SNX25: variants seen among roughly 807,000 people sequenced by gnomAD.
SNX25 encodes the protein sorting nexin 25, also known as sorting nexin-25.
A neutral mutation model predicts 113.7 loss-of-function variants in SNX25; 62 were observed. The ratio of observed to expected loss-of-function variants is 0.55; its 90% CI spans 0.44 to 0.67. The LOEUF is 0.67. Ranked by LOEUF, SNX25 falls within the 30% of genes least tolerant of loss-of-function variation. SNX25 has a pLI of 0.00. For synonymous variants in SNX25, 421 were observed against 436.2 expected (o/e 0.97, Z 0.43); for missense variants, 1,014 against 1,161.0 (o/e 0.87, Z 1.84).
At chr4:185,298,583 C>T (rs1366087726) in intron 6 of SNX25, among the ~76,000 whole-genome samples, 1 of 152,106 alleles carries the variant, frequency 6.6e-6, no homozygotes, top group Non-Finnish European at 1.5e-5. Flanking sequence ...CAAGGTCTTG[C>T]TTCCTCTGGT....
chr4:185,304,080 G>T (rs1175316927), intron 6 of SNX25, among the ~76,000 whole-genome samples: 1 of 152,148 alleles, frequency 6.6e-6, no homozygotes, highest in Non-Finnish European at 1.5e-5. Context: ...ATCTTGACTA[G>T]TCCCTAAGTA....
intron 4 of SNX25, among the ~76,000 whole-genome samples, chr4:185,265,590 AAC>A (rs1276176918): frequency 1.3e-5 from 2 of 152,216 alleles, no homozygotes; most frequent in Admixed American, 6.5e-5. Flanking sequence ...AGACTTCATA[AAC>A]AGTGTACGCT....
In SNX25 at chr4:185,347,376, T is replaced by C. The variant is rs368497217; in HGVS notation, c.2301+726T>C. Among the ~76,000 whole-genome samples the C allele has an allele frequency of 7.2e-5, 11 of 152,320 alleles. 1 individual carries two copies. The highest frequency in any genetic ancestry group is 5.8e-4 in the East Asian group (3 of 5,184). ...TGCTCCACATCCTCACCAACACTTA[T>C]CTTTTGCGTTTTTATTCTTAGCCAT... On this transcript the variant is annotated intron_variant, in intron 13 of 18. Transcript: ENST00000652585.
chr4:185,260,559 G>A (rs1473892689), intron 3 of SNX25, among the ~76,000 whole-genome samples: 2 of 152,124 alleles, frequency 1.3e-5, no homozygotes, highest in Non-Finnish European at 2.9e-5. Context: ...ACTACTCATC[G>A]TATCTATTGG....
intron 2 of SNX25, among the ~76,000 whole-genome samples, chr4:185,256,027 C>T (rs534945781): frequency 6.6e-6 from 1 of 152,146 alleles, no homozygotes; most frequent in Non-Finnish European, 1.5e-5. Flanking sequence ...AAATTAATAT[C>T]TGAAAATGAG....
At chr4:185,346,478 C>CT in intron 12 of SNX25, 59 bp from the exon 13 acceptor site, 2 of 1,153,150 alleles carry the variant, frequency 1.7e-6, no homozygotes, top group South Asian at 1.4e-5. Context: ...TATTCTAAAT[C>CT]TTTTTTAAGA....
At position 185,346,592 on chromosome 4, in the gene SNX25, A is replaced by C. The variant is rs556276774; in HGVS notation, c.2243A>C (p.Lys748Thr). 3.8e-6 allele frequency: 6 copies of C among 1,597,582 alleles called. No homozygotes were observed. Among genetic ancestry groups the C allele is most frequent in the Middle Eastern group, 1.7e-4 (1 of 6,032 alleles). The change falls in exon 13 of 19, where the codon AAA becomes ACA. Residue 748 changes from lysine (K) to threonine (T), a missense_variant. Lys to Thr is a moderately conservative substitution (Grantham distance 78). Coordinates refer to ENST00000652585, the MANE Select transcript of SNX25 (RefSeq NM_001378034.2). ...CCTTCTCTTAGCAAGCTGCCTTTCA[A>C]ATCTATAGATCAAAAGTTTATGGAA... The part of the protein sequence containing the change: ...QLPSLSKLPF[K>T]SIDQKFMEKS...
rs770027397 is a variant in SNX25, at chr4:185,357,705, C to T, written c.2619C>T (p.Leu873=). ...FKWVRRTLIA[L]VQVTFGRTIN... Reference sequence around the variant, plus strand: ...GGGTGAGAAGAACATTAATTGCCCTCGTTCAGGTCACTTTTGGAAGAACCA... The same window carrying T: ...GGGTGAGAAGAACATTAATTGCCCTTGTTCAGGTCACTTTTGGAAGAACCA... Residue 873 remains leucine (L), a synonymous_variant, in exon 16 of 19, where the codon CTC becomes CTT. Transcript: ENST00000652585. 6.1e-5 allele frequency: 99 copies of T among 1,613,936 alleles called. No homozygotes were observed. The highest frequency in any genetic ancestry group is 7.7e-5 in the Non-Finnish European group (91 of 1,179,992).
chr4:185,350,233 A>G (rs2095308554), intron 13 of SNX25, among the ~76,000 whole-genome samples: 6 of 152,202 alleles, frequency 3.9e-5, no homozygotes, highest in Non-Finnish European at 7.3e-5. Context: ...GTCATTAGCC[A>G]TCTAAACAAA....
Position 185,363,547 on chromosome 4 carries a change from C to T in SNX25, c.*82C>T, listed in dbSNP as rs2126764586. 4.6e-6 allele frequency: 6 copies of T among 1,296,886 alleles called. No homozygotes were observed. In the South Asian group the frequency reaches 6.0e-5, roughly 13 times the overall value. 80.3% of individuals were successfully genotyped at this position (1,296,886 alleles called of 1,614,324 possible). ...TTCCTCTTTTCCACAGAGGGCTTAA[C>T]TGAGAACCGTATTGATTTTTATTTT... On this transcript the variant is annotated 3_prime_UTR_variant, in exon 19 of 19. Coordinates refer to ENST00000652585, the MANE Select transcript of SNX25 (RefSeq NM_001378034.2). This position sits in a 1 kb window ranked among gnomAD's most constrained non-coding sequence, Gnocchi z 4.2.
intron 18 of SNX25, 95 bp downstream of exon 18, chr4:185,362,806 C>G (rs558914814): frequency 6.5e-6 from 5 of 763,844 alleles, no homozygotes; most frequent in Middle Eastern, 2.5e-4. Context: ...CTGCAGCACT[C>G]TCATTCTCAC....
chr4:185,349,793 A>G (rs1237371059), intron 13 of SNX25, among the ~76,000 whole-genome samples: 2 of 152,150 alleles, frequency 1.3e-5, no homozygotes, highest in African/African-American at 4.8e-5. Flanking sequence ...ATATAATTTA[A>G]GGCCAAAGAT....
At chr4:185,213,980 C>G (rs1028627973) in intron 1 of SNX25, among the ~76,000 whole-genome samples, 1 of 150,690 alleles carries the variant, frequency 6.6e-6, no homozygotes, top group African/African-American at 2.4e-5. Flanking sequence ...GTTGCTCAGA[C>G]TGCAGTGCAG....
chr4:185,268,010 G>A, intron 5 of SNX25, among the ~76,000 whole-genome samples: 1 of 152,188 alleles, frequency 6.6e-6, no homozygotes, highest in East Asian at 1.9e-4. Flanking sequence ...AAGAGAATGA[G>A]GAGGGGTTTG....
intron 12 of SNX25, among the ~76,000 whole-genome samples, chr4:185,344,181 A>G (rs1323086306): frequency 6.6e-6 from 1 of 152,086 alleles, no homozygotes; most frequent in East Asian, 1.9e-4. Context: ...GGATCATATC[A>G]CTCCACTCCA....
chr4:185,282,525 A>G (rs1237730147), intron 5 of SNX25, among the ~76,000 whole-genome samples: 1 of 152,140 alleles, frequency 6.6e-6, no homozygotes, highest in African/African-American at 2.4e-5. Context: ...CATTTCAGTG[A>G]GTTTGAGATT....
chr4:185,216,093 G>C (rs572471389), intron 1 of SNX25, among the ~76,000 whole-genome samples: 2 of 152,184 alleles, frequency 1.3e-5, no homozygotes, highest in East Asian at 3.9e-4. Context: ...CATCTTGCCT[G>C]ACTTAAATTC....
intron 5 of SNX25, among the ~76,000 whole-genome samples, chr4:185,282,436 T>G (rs1474928713): frequency 2.0e-5 from 3 of 152,214 alleles, no homozygotes; most frequent in Admixed American, 6.5e-5. Flanking sequence ...CCCAAAGTGC[T>G]GGGATTACAG....
chr4:185,351,804 G>A (rs6841466), intron 14 of SNX25, among the ~76,000 whole-genome samples, 195 bp downstream of exon 14: 59,399 of 151,870 alleles, frequency 0.39, 13,978 homozygotes, highest in African/African-American at 0.67. Flanking sequence ...TTACCACTTC[G>A]GAGTTGGTAA....
Sources: gnomAD v4.1 joint callset for allele counts (sites outside exome capture counted in the v4.1 genomes callset) on GRCh38, gnomAD v4.1.1 for gene constraint, Gnocchi (gnomAD v3.1) non-coding constraint, MANE v1.5 for transcripts, NCBI Gene and HGNC (gene_info 2026-07-23, HGNC 2026-07-21) for gene names.